The following CDCP1 variants were observed in gnomAD, a reference collection of about 807,000 sequenced individuals.
CDCP1 encodes the protein CUB domain containing protein 1, also known as CUB domain-containing protein 1.
CDCP1 carries 29 observed loss-of-function variants against 60.2 expected under a neutral mutation model. The observed-to-expected ratio is 0.48, with a 90% CI of 0.36 to 0.66. CDCP1 has a LOEUF of 0.66. Ranked by LOEUF, CDCP1 falls within the 30% of genes least tolerant of loss-of-function variation. CDCP1 has a pLI of 0.00. For missense variants in CDCP1, 876 were observed against 1,074.3 expected, an observed-to-expected ratio of 0.82 and a Z score of 2.58; for synonymous variants, 387 against 431.1, an observed-to-expected ratio of 0.90 and a Z score of 1.27.
At position 45,091,057 on chromosome 3, in the gene CDCP1, T is replaced by A; in HGVS notation, c.1993+116A>T. ...CACTATTGATGCAATAGCTGACTGA[T>A]ACATGGACAGTCAGGACTCAATCTG... On this transcript the variant is annotated intron_variant, in intron 7 of 8. Transcript: ENST00000296129. The surrounding 1 kb of genome is among the most constrained non-coding windows in gnomAD (Gnocchi z 4.8). The A allele has an allele frequency of 8.8e-7, 1 of 1,142,698 alleles. No individual in the cohort carries two copies. The highest frequency in any genetic ancestry group is 1.2e-6 in the Non-Finnish European group (1 of 803,926). 70.8% of individuals were successfully genotyped at this position (1,142,698 alleles called of 1,614,324 possible).
chr3:45,110,449 A>C, intron 4 of CDCP1, 24 bp downstream of exon 4: 1 of 1,610,194 alleles, frequency 6.2e-7, no homozygotes, highest in Non-Finnish European at 8.5e-7. Flanking sequence ...AGGAGGAAGA[A>C]AAAGGAAAGT....
At chr3:45,137,090 C>T (rs980126676) in intron 1 of CDCP1, among the ~76,000 whole-genome samples, 23 of 152,262 alleles carry the variant, frequency 1.5e-4, no homozygotes, top group South Asian at 2.1e-4. Flanking sequence ...TGTAAAAAGT[C>T]GTTCTCCTAC....
chr3:45,128,996 C>T (rs986169532), intron 1 of CDCP1, among the ~76,000 whole-genome samples: 1 of 152,198 alleles, frequency 6.6e-6, no homozygotes, highest in African/African-American at 2.4e-5. Flanking sequence ...GGATTACAGG[C>T]GTGAGACACT....
chr3:45,133,318 C>A (rs1489323231), intron 1 of CDCP1, among the ~76,000 whole-genome samples: 1 of 151,698 alleles, frequency 6.6e-6, no homozygotes, highest in Admixed American at 6.6e-5. Flanking sequence ...AGAGAACCCA[C>A]CCGTGCTGTA....
intron 4 of CDCP1, among the ~76,000 whole-genome samples, chr3:45,103,766 C>G (rs1312739349): frequency 6.6e-6 from 1 of 152,228 alleles, no homozygotes; most frequent in Non-Finnish European, 1.5e-5. Flanking sequence ...CTTGCCACTC[C>G]TCTGCTATAT....
In CDCP1 at chr3:45,088,210, G is replaced by A. The variant is rs530824563; in HGVS notation, c.2081+844C>T. Reference sequence around the variant, plus strand: ...ATAAAATAGAAGCTCAGCCAGGTACGGTGGCTCATGCCTGTAATCCCAACA... The same window carrying A: ...ATAAAATAGAAGCTCAGCCAGGTACAGTGGCTCATGCCTGTAATCCCAACA... On this transcript the variant is annotated intron_variant, in intron 8 of 8. Coordinates refer to ENST00000296129, the MANE Select transcript of CDCP1 (RefSeq NM_022842.5). 7.2e-5 allele frequency among the ~76,000 whole-genome samples: 11 copies of A among 152,254 alleles called. No individual in the cohort carries two copies. The South Asian group carries it at 2.1e-3, about 29-fold the overall frequency.
intron 2 of CDCP1, among the ~76,000 whole-genome samples, chr3:45,115,866 G>A (rs1187309131): frequency 6.7e-6 from 1 of 148,672 alleles, no homozygotes; most frequent in Non-Finnish European, 1.5e-5. Context: ...ACCACGCCTG[G>A]CTAATTGTTT....
At position 45,093,381 on chromosome 3, in the gene CDCP1, T is replaced by A; in HGVS notation, c.1523A>T (p.Gln508Leu). 1 of 1,614,186 alleles carries A rather than the reference T, an allele frequency of 6.2e-7. No individual in the cohort carries two copies. Among genetic ancestry groups the A allele is most frequent in the Non-Finnish European group, 8.5e-7 (1 of 1,180,030 alleles). The change falls in exon 6 of 9, where the codon CAG becomes CTG. Residue 508 changes from glutamine to leucine, a missense_variant. Gln to Leu is a moderately radical substitution (Grantham distance 113). Coordinates refer to ENST00000296129, the MANE Select transcript of CDCP1 (RefSeq NM_022842.5). Reference protein sequence around the residue: ...FCPGGSIKQIQVKQNISVTLR... With the variant: ...FCPGGSIKQILVKQNISVTLR... ...GGTCACCGAGATGTTCTGCTTCACC[T>A]GGATCTGCTTGATAGAGCCTCCCGG...
intron 4 of CDCP1, chr3:45,110,148 G>T: frequency 9.0e-7 from 1 of 1,106,708 alleles, no homozygotes; most frequent in Non-Finnish European, 1.1e-6. Flanking sequence ...CGCTGATGGT[G>T]CGGGTGACAT....
chr3:45,108,650 A>G (rs1044447420), intron 4 of CDCP1, among the ~76,000 whole-genome samples: 1 of 144,496 alleles, frequency 6.9e-6, no homozygotes, highest in African/African-American at 2.5e-5. Flanking sequence ...GGAATCATAA[A>G]AATGTCTCAA....
chr3:45,115,876 T>G (rs1329049362), intron 2 of CDCP1, among the ~76,000 whole-genome samples: 1 of 152,148 alleles, frequency 6.6e-6, no homozygotes, highest in Non-Finnish European at 1.5e-5. Flanking sequence ...GCTAATTGTT[T>G]GTAAAAATAT....
At chr3:45,131,913 G>A (rs1699102260) in intron 1 of CDCP1, among the ~76,000 whole-genome samples, 1 of 152,180 alleles carries the variant, frequency 6.6e-6, no homozygotes, top group African/African-American at 2.4e-5. Context: ...GAAATGTTCT[G>A]ACAGGACTGC....
Position 45,091,270 on chromosome 3 carries a change from G to A in CDCP1, c.1896C>T (p.His632=), listed in dbSNP as rs779451329. The A allele has an allele frequency of 2.7e-5, 44 of 1,614,038 alleles. No individual in the cohort carries two copies. The Admixed American group carries it at 6.7e-4, about 24-fold the overall frequency. Residue 632 remains histidine, a synonymous_variant, in exon 7 of 9, where the codon CAC becomes CAT. Coordinates refer to ENST00000296129, the MANE Select transcript of CDCP1 (RefSeq NM_022842.5). This position sits in a 1 kb window ranked among gnomAD's most constrained non-coding sequence, Gnocchi z 4.8. ...DEDVLPKPSF[H]HHSFWVNISN... Reference sequence around the variant, plus strand: ...AGATGTTGACCCAGAAGCTGTGATGGTGGAAGCTTGGCTTGGGGAGCACAT... The same window carrying A: ...AGATGTTGACCCAGAAGCTGTGATGATGGAAGCTTGGCTTGGGGAGCACAT...
chr3:45,122,023 C>T (rs1314611653), intron 1 of CDCP1, among the ~76,000 whole-genome samples: 1 of 152,130 alleles, frequency 6.6e-6, no homozygotes, highest in African/African-American at 2.4e-5. Flanking sequence ...AAGCTGATCT[C>T]ACCAAAATCT....
intron 1 of CDCP1, among the ~76,000 whole-genome samples, chr3:45,127,695 T>C (rs893650991): frequency 6.6e-6 from 1 of 152,196 alleles, no homozygotes; most frequent in South Asian, 2.1e-4. Context: ...GGAAGTCAAG[T>C]AGGACCTGCC....
At chr3:45,092,282 C>T (rs4683043) in intron 6 of CDCP1, among the ~76,000 whole-genome samples, 26,580 of 152,140 alleles carry the variant, frequency 0.17, 3,936 homozygotes, top group East Asian at 0.71. Flanking sequence ...ATGCTCTCAA[C>T]GTAGCTACTA....
At chr3:45,139,089 A>G (rs1576124319) in intron 1 of CDCP1, among the ~76,000 whole-genome samples, 2 of 152,216 alleles carry the variant, frequency 1.3e-5, no homozygotes. Flanking sequence ...GGGAACTAAC[A>G]GAGTTAAGAA....
chr3:45,146,427 CA>C, upstream of CDCP1: 1 of 629,338 alleles, frequency 1.6e-6, no homozygotes, highest in Non-Finnish European at 2.5e-6. Context: ...CCGCCCTGCG[CA>C]GCAGGATCGC....
chr3:45,107,826 A>G (rs1698593585), intron 4 of CDCP1, among the ~76,000 whole-genome samples: 1 of 152,064 alleles, frequency 6.6e-6, no homozygotes. Flanking sequence ...AGAGAGAATA[A>G]AGAATGAGGG....
Sources: gnomAD v4.1 joint callset for allele counts (sites outside exome capture counted in the v4.1 genomes callset) on GRCh38, gnomAD v4.1.1 for gene constraint, Gnocchi (gnomAD v3.1) non-coding constraint, MANE v1.5 for transcripts, NCBI Gene and HGNC (gene_info 2026-07-23, HGNC 2026-07-21) for gene names.